Variants in PDZD2 observed in about 807,000 individuals in gnomAD.
PDZD2 encodes the protein PDZ domain-containing protein 2.
Under a neutral mutation model 220.7 loss-of-function variants are expected in PDZD2, and 90 were observed. That is an observed-to-expected ratio of 0.41 (90% CI 0.34 to 0.49). PDZD2 has a LOEUF of 0.49. Among genes scored for constraint, PDZD2 ranks in the 20% least tolerant of loss-of-function variants. The probability of loss-of-function intolerance (pLI) is 0.28; values close to 1 mark genes in which losing one functional copy is unlikely to be tolerated. For missense variants in PDZD2, 3,174 were observed against 3,608.5 expected (o/e 0.88, Z 3.08); for synonymous variants, 1,375 against 1,450.5 (o/e 0.95, Z 1.18).
intron 1 of PDZD2, chr5:31,747,713 C>T (rs1034074943): frequency 4.6e-5 from 7 of 152,270 alleles, no homozygotes; most frequent in African/African-American, 1.4e-4. Context: ...ATCCTTGTAC[C>T]GTGCTCAAGG....
Position 31,782,463 on chromosome 5 carries a change from C to G in PDZD2, c.-360-16426C>G, listed in dbSNP as rs138690756. ...ACATTAGGATGTTAAAATTAACCTT[C>G]TTCCTGTGGTCCCAGTCTCAGTCAT... is the stretch of plus-strand genomic sequence containing the variant. On this transcript the variant is annotated intron_variant, in intron 1 of 24. Transcript: ENST00000438447. Among the ~76,000 whole-genome samples the G allele has an allele frequency of 4.1e-3, 630 of 152,246 alleles. 6 individuals are homozygous for G. The highest frequency in any genetic ancestry group is 0.014 in the African/African-American group (569 of 41,532).
chr5:32,105,981 A>G (rs1199361691), intron 24 of PDZD2: 1 of 152,212 alleles, frequency 6.6e-6, no homozygotes, highest in East Asian at 1.9e-4. Flanking sequence ...GGCACCAGGG[A>G]CTGGTTTTGT....
intron 19 of PDZD2, among the ~76,000 whole-genome samples, chr5:32,085,971 C>T (rs1002364121): frequency 1.4e-4 from 22 of 151,848 alleles, no homozygotes; most frequent in African/African-American, 5.3e-4. Context: ...CCATTGTCTT[C>T]CTTACCTTCC....
At chr5:31,735,828 C>T (rs775740392) in intron 1 of PDZD2, among the ~76,000 whole-genome samples, 2 of 152,156 alleles carry the variant, frequency 1.3e-5, no homozygotes, top group Non-Finnish European at 2.9e-5. Flanking sequence ...GCCTGTAGTC[C>T]CAGCTACTCG....
In PDZD2 at chr5:31,803,261, C is replaced by CTTTTT. The variant is rs759569783; in HGVS notation, c.476+3555_476+3559dup. On this transcript the variant is annotated intron_variant, in intron 2 of 24. Coordinates refer to ENST00000438447, the MANE Select transcript of PDZD2 (RefSeq NM_178140.4). ...TGCAGGTGTGCACCACTGCATCTGG[C>CTTTTT]TTTTTTTTTTTTTTTTTTTTTTGTA... Among the ~76,000 whole-genome samples the CTTTTT allele has an allele frequency of 4.2e-3, 384 of 92,260 alleles. 3 individuals are homozygous for CTTTTT. The highest frequency in any genetic ancestry group is 7.3e-3 in the African/African-American group (147 of 20,126). The allele number at this position is 92,260 out of a possible 152,430, so 60.5% of individuals were successfully genotyped here.
At position 32,090,335 on chromosome 5, in the gene PDZD2, G is replaced by A; in HGVS notation, c.6887G>A (p.Gly2296Glu). 6.2e-7 allele frequency: 1 copy of A among 1,614,206 alleles called. No homozygotes were observed. The highest frequency in any genetic ancestry group is 8.5e-7 in the Non-Finnish European group (1 of 1,180,026). ...TSRNLPATDE[G>E]DIISVQETSC... is the part of the protein sequence containing the mutation. Reference sequence around the variant, plus strand: ...AGGAATCTTCCAGCCACAGATGAAGGGGATATCATTTCAGTCCAGGAGACG... The same window carrying A: ...AGGAATCTTCCAGCCACAGATGAAGAGGATATCATTTCAGTCCAGGAGACG... The change falls in exon 20 of 25, where the codon GGG becomes GAG. Residue 2296 changes from glycine to glutamate, a missense_variant. Physicochemically the swap from Gly to Glu is moderately conservative, Grantham distance 98. Around this residue, in one of 4 missense-constraint regions of PDZD2, gnomAD observed 631 missense variants for 789.9 expected, o/e 0.80. Coordinates refer to ENST00000438447, the MANE Select transcript of PDZD2 (RefSeq NM_178140.4). This position sits in a 1 kb window ranked among gnomAD's most constrained non-coding sequence, Gnocchi z 4.3.
chr5:31,663,389 G>A (rs1745858905), intron 1 of PDZD2, among the ~76,000 whole-genome samples: 1 of 152,068 alleles, frequency 6.6e-6, no homozygotes, highest in Admixed American at 6.5e-5. Flanking sequence ...TGCCCCAAAT[G>A]GCAAGATACA....
rs1757899342 is a variant in PDZD2 at position 31,849,997 on chromosome 5, T to TATATATATATACATATATATATATACAC, written c.476+50286_476+50287insTATATATATATACACATATATATATACA. 2.3e-4 allele frequency among the ~76,000 whole-genome samples: 19 copies of TATATATATATACATATATATATATACAC among 83,948 alleles called. 4 individuals carry two copies. The highest frequency in any genetic ancestry group is 4.2e-4 in the Non-Finnish European group (18 of 43,210). 55.1% of individuals were successfully genotyped at this position (83,948 alleles called of 152,430 possible). A position where few individuals can be genotyped will look rare whatever the true frequency, so the allele number is the denominator to read the frequency against. ...ATATATACATATATATATATACACATATATATATATACACACACACGTATA... is the reference window on the plus strand; with the variant it reads ...ATATATACATATATATATATACACATATATATATATACATATATATATATACACATATATATATACACACACACGTATA... On this transcript the variant is annotated intron_variant, in intron 2 of 24. Transcript: ENST00000438447.
chr5:31,832,248 G>A (rs1412644491), intron 2 of PDZD2, among the ~76,000 whole-genome samples: 1 of 152,184 alleles, frequency 6.6e-6, no homozygotes, highest in Admixed American at 6.6e-5. Flanking sequence ...TGAAATGGAA[G>A]TTACCAGAGG....
At chr5:31,954,557 G>C (rs142592578) in intron 2 of PDZD2, among the ~76,000 whole-genome samples, 1 of 152,260 alleles carries the variant, frequency 6.6e-6, no homozygotes, top group East Asian at 1.9e-4. Context: ...GGAAGAGTCA[G>C]GGACACGAGG....
At chr5:31,985,269 A>G (rs977329135) in intron 3 of PDZD2, among the ~76,000 whole-genome samples, 1 of 152,246 alleles carries the variant, frequency 6.6e-6, no homozygotes, top group African/African-American at 2.4e-5. Context: ...TGTGAACAAA[A>G]TAAGGTTGTG....
Position 32,057,090 on chromosome 5 carries a change from ACT to A in PDZD2, c.1901-562_1901-561del, listed in dbSNP as rs141817415. Among the ~76,000 whole-genome samples the A allele has an allele frequency of 6.5e-4, 99 of 151,888 alleles. No individual in the cohort carries two copies. The East Asian group carries it at 0.014, about 21-fold the overall frequency. ...GCCTGGGTGACTGAGCCAGAGCAAT[ACT>A]CTGTTTCAAAAAAAAATTTTTTTTT... On this transcript the variant is annotated intron_variant, in intron 10 of 24. Transcript: ENST00000438447.
intron 24 of PDZD2, among the ~76,000 whole-genome samples, chr5:32,102,890 A>G (rs1430138355): frequency 6.6e-6 from 1 of 152,238 alleles, no homozygotes; most frequent in East Asian, 1.9e-4. Context: ...ACAGCAGAGC[A>G]AGACCCTGCT....
intron 2 of PDZD2, among the ~76,000 whole-genome samples, chr5:31,977,863 A>G (rs1167615286): frequency 2.0e-5 from 3 of 152,110 alleles, no homozygotes; most frequent in Non-Finnish European, 2.9e-5. Context: ...AATCCCAGCT[A>G]CTTGGGAGGC....
intron 2 of PDZD2, among the ~76,000 whole-genome samples, chr5:31,805,696 C>T (rs957879967): frequency 6.6e-6 from 1 of 152,110 alleles, no homozygotes; most frequent in African/African-American, 2.4e-5. Context: ...AATTATGTCC[C>T]CCCAAAATTC....
intron 1 of PDZD2, among the ~76,000 whole-genome samples, chr5:31,687,559 T>A (rs1746923028): frequency 6.6e-6 from 1 of 152,202 alleles, no homozygotes; most frequent in East Asian, 1.9e-4. Flanking sequence ...TGCTTCCATA[T>A]ATTTTGGTAT....
At chr5:31,717,473 G>A (rs978025538) in intron 1 of PDZD2, among the ~76,000 whole-genome samples, 9 of 152,150 alleles carry the variant, frequency 5.9e-5, no homozygotes, top group Admixed American at 1.3e-4. Context: ...CCAGAGAAAG[G>A]TGCCAGTAGC....
intron 14 of PDZD2, among the ~76,000 whole-genome samples, chr5:32,061,643 T>A (rs539113156): frequency 6.6e-6 from 1 of 152,322 alleles, no homozygotes; most frequent in Non-Finnish European, 1.5e-5. Context: ...CCAGGCTTGA[T>A]GACTCACACT....
chr5:31,777,288 T>C (rs7729406), intron 1 of PDZD2, among the ~76,000 whole-genome samples: 92,490 of 152,046 alleles, frequency 0.61, 28,917 homozygotes, highest in African/African-American at 0.68. Context: ...CCAGCACTGC[T>C]GGCCCGCCCG....
Sources: allele counts gnomAD v4.1 joint callset (sites outside exome capture counted in the v4.1 genomes callset), GRCh38; gene constraint gnomAD v4.1.1; regional missense constraint gnomAD v4.1.1; non-coding constraint Gnocchi (gnomAD v3.1); transcripts MANE v1.5; gene names NCBI Gene and HGNC (gene_info 2026-07-23, HGNC 2026-07-21).